Variants in OPCML observed in about 807,000 individuals in gnomAD.
The protein encoded by OPCML is opioid binding protein/cell adhesion molecule like.
OPCML carries 13 observed loss-of-function variants against 37.8 expected under a neutral mutation model. The observed-to-expected ratio is 0.34, with a 90% CI of 0.22 to 0.55. OPCML has a LOEUF of 0.55. Among genes scored for constraint, OPCML ranks in the 20% least tolerant of loss-of-function variants. The probability of loss-of-function intolerance (pLI) is 0.91; values close to 1 mark genes in which losing one functional copy is unlikely to be tolerated. For synonymous variants in OPCML, 176 were observed against 168.8 expected (o/e 1.04, Z -0.33); for missense variants, 341 against 435.6 (o/e 0.78, Z 1.93).
intron 1 of OPCML, among the ~76,000 whole-genome samples, chr11:132,966,691 T>C (rs922418223): frequency 6.6e-6 from 1 of 152,080 alleles, no homozygotes; most frequent in African/African-American, 2.4e-5. Flanking sequence ...ATTTCCCTCT[T>C]CTTTTAAATC....
chr11:132,748,862 G>A (rs1220791852), intron 2 of OPCML, among the ~76,000 whole-genome samples: 1 of 152,214 alleles, frequency 6.6e-6, no homozygotes, highest in East Asian at 1.9e-4. Context: ...AACTTCCACA[G>A]GGCGGCTGAG....
At chr11:132,495,183 A>T (rs942060033) in intron 4 of OPCML, among the ~76,000 whole-genome samples, 1 of 152,212 alleles carries the variant, frequency 6.6e-6, no homozygotes, top group African/African-American at 2.4e-5. Context: ...TACCCAAAAA[A>T]CATTTATTGA....
At chr11:133,063,568 G>GTT (rs34801498) in intron 1 of OPCML, among the ~76,000 whole-genome samples, 1,944 of 149,246 alleles carry the variant, frequency 0.013, 95 homozygotes, top group Admixed American at 0.085. Flanking sequence ...AGAGCTGTTG[G>GTT]TTTTTTTTTT....
chr11:133,126,954 C>A (rs1479597479), intron 1 of OPCML, among the ~76,000 whole-genome samples: 1 of 152,164 alleles, frequency 6.6e-6, no homozygotes, highest in African/African-American at 2.4e-5. Flanking sequence ...AGCATTCTGG[C>A]AGAGAAGTGG....
intron 1 of OPCML, among the ~76,000 whole-genome samples, chr11:133,304,714 G>A (rs1199800881): frequency 2.0e-5 from 3 of 152,156 alleles, no homozygotes; most frequent in South Asian, 2.1e-4. Flanking sequence ...AATATGGCAG[G>A]AGAATTGATT....
At chr11:132,430,516 A>G (rs1275334068) in intron 7 of OPCML, among the ~76,000 whole-genome samples, 1 of 152,190 alleles carries the variant, frequency 6.6e-6, no homozygotes, top group Non-Finnish European at 1.5e-5. Flanking sequence ...CATGGCTCCC[A>G]GGAGCCGCGA....
intron 1 of OPCML, chr11:133,118,448 GGACTGAAAACTGGAAAGGA>G (rs1161122075): frequency 5.1e-6 from 5 of 982,600 alleles, no homozygotes; most frequent in Non-Finnish European, 6.0e-6. Context: ...TGATTAAAGT[GGACTGAAAACTGGAAAGGA>G]GACTGAATGC....
intron 3 of OPCML, among the ~76,000 whole-genome samples, chr11:132,557,002 T>G (rs1305389037): frequency 6.6e-6 from 1 of 152,220 alleles, no homozygotes; most frequent in Admixed American, 6.5e-5. Flanking sequence ...TGTTCCTGGC[T>G]GAAAATGAGT....
intron 1 of OPCML, among the ~76,000 whole-genome samples, chr11:133,217,562 G>A (rs1296400479): frequency 1.3e-5 from 2 of 152,192 alleles, no homozygotes. Flanking sequence ...CCACACGAGA[G>A]CCCATGGAGG....
intron 3 of OPCML, among the ~76,000 whole-genome samples, chr11:132,617,800 C>G (rs573650432): frequency 6.6e-6 from 1 of 152,324 alleles, no homozygotes; most frequent in Admixed American, 6.5e-5. Flanking sequence ...GACATCATTC[C>G]TCTTCTCATA....
intron 1 of OPCML, among the ~76,000 whole-genome samples, chr11:133,139,751 G>T (rs1182931940): frequency 6.6e-6 from 1 of 152,130 alleles, no homozygotes; most frequent in Non-Finnish European, 1.5e-5. Context: ...TCTCCAGTAG[G>T]CATATGACTC....
rs545093016 is a variant in OPCML, at chr11:133,475,508, G to A, written c.61+56756C>T. ...AAACAAGAAGCACCAGACAGAAAGC[G>A]TCCTCTCTGTCCCATTGCAGTAACA... is the stretch of plus-strand genomic sequence containing the variant. On this transcript the variant is annotated intron_variant, in intron 1 of 7. Transcript: ENST00000524381. 3.9e-5 allele frequency among the ~76,000 whole-genome samples: 6 copies of A among 152,214 alleles called. No individual in the cohort carries two copies. In the East Asian group the frequency reaches 5.8e-4, roughly 15 times the overall value.
At position 132,466,317 on chromosome 11, in the gene OPCML, C is replaced by CAAA. The variant is rs35491939; in HGVS notation, c.506-28961_506-28959dup. ...TGAAACCCCGTCTCTACTAAAAATACAAAAAAAAAAAAAAAAAATAGCCAG... is the reference window on the plus strand; with the variant it reads ...TGAAACCCCGTCTCTACTAAAAATACAAAAAAAAAAAAAAAAAAAAATAGCCAG... On this transcript the variant is annotated intron_variant, in intron 4 of 7. Transcript: ENST00000524381. Among the ~76,000 whole-genome samples the CAAA allele has an allele frequency of 4.0e-3, 422 of 105,266 alleles. 2 individuals are homozygous for CAAA. The highest frequency in any genetic ancestry group is 0.015 in the Middle Eastern group (3 of 202). 69.1% of individuals were successfully genotyped at this position (105,266 alleles called of 152,430 possible). A position where few individuals can be genotyped will look rare whatever the true frequency, so the allele number is the denominator to read the frequency against.
chr11:132,601,003 A>G (rs1937843171), intron 3 of OPCML, among the ~76,000 whole-genome samples: 1 of 151,980 alleles, frequency 6.6e-6, no homozygotes, highest in Non-Finnish European at 1.5e-5. Flanking sequence ...AACAGTTAAC[A>G]TTAATCAAAT....
intron 2 of OPCML, among the ~76,000 whole-genome samples, chr11:132,808,873 G>T (rs910543007): frequency 1.3e-5 from 2 of 152,096 alleles, no homozygotes; most frequent in African/African-American, 4.8e-5. Context: ...CTGGCCAAAG[G>T]ATGGTGCTGA....
chr11:132,479,486 A>G (rs2096170467), intron 4 of OPCML, among the ~76,000 whole-genome samples: 1 of 152,218 alleles, frequency 6.6e-6, no homozygotes, highest in African/African-American at 2.4e-5. Flanking sequence ...TTAGGTAAAC[A>G]AAGCAGCCAG....
At chr11:133,315,138 T>G (rs1177317832) in intron 1 of OPCML, among the ~76,000 whole-genome samples, 1 of 152,192 alleles carries the variant, frequency 6.6e-6, no homozygotes, top group African/African-American at 2.4e-5. Flanking sequence ...GAACTTAGTA[T>G]TTTCTTAACC....
At chr11:133,058,739 T>C (rs1948287065) in intron 1 of OPCML, among the ~76,000 whole-genome samples, 1 of 152,196 alleles carries the variant, frequency 6.6e-6, no homozygotes, top group South Asian at 2.1e-4. Context: ...AGTAGTCTCA[T>C]TTACACTTTT....
intron 2 of OPCML, among the ~76,000 whole-genome samples, chr11:132,823,939 C>T (rs770206592): frequency 3.9e-5 from 6 of 152,156 alleles, no homozygotes; most frequent in Non-Finnish European, 8.8e-5. Flanking sequence ...GCTACCTCAC[C>T]GGTGGCTCCT....
Sources: gnomAD v4.1 joint callset for allele counts (sites outside exome capture counted in the v4.1 genomes callset) on GRCh38, gnomAD v4.1.1 for gene constraint, MANE v1.5 for transcripts, NCBI Gene and HGNC (gene_info 2026-07-23, HGNC 2026-07-21) for gene names.